The following CHRM2 variants were observed in gnomAD, a reference collection of about 807,000 sequenced individuals.
CHRM2 encodes muscarinic acetylcholine receptor M2.
A neutral mutation model predicts 25.0 loss-of-function variants in CHRM2; 8 were observed. The observed-to-expected ratio is 0.32, with a 90% CI of 0.19 to 0.58. CHRM2 has a LOEUF of 0.58. Among genes scored for constraint, CHRM2 ranks in the 20% least tolerant of loss-of-function variants. The pLI, the probability that CHRM2 is intolerant of heterozygous loss-of-function variation, is 0.88. For synonymous variants in CHRM2, 202 were observed against 205.7 expected, an observed-to-expected ratio of 0.98 and a Z score of 0.15; for missense variants, 440 against 567.1, an observed-to-expected ratio of 0.78 and a Z score of 2.28.
At chr7:136,946,186 A>T (rs1270897165) in intron 2 of CHRM2, among the ~76,000 whole-genome samples, 1 of 152,198 alleles carries the variant, frequency 6.6e-6, no homozygotes, top group African/African-American at 2.4e-5. Context: ...ATGTTCTGAA[A>T]ATTAAAAGTA....
At position 137,019,700 on chromosome 7, in the gene CHRM2, A is replaced by G. The variant is rs1805340245; in HGVS notation, c.*3434A>G. 2.0e-5 allele frequency: 3 copies of G among 151,938 alleles called. No individual in the cohort carries two copies. 9.4% of individuals were successfully genotyped at this position (151,938 alleles called of 1,614,324 possible). On this transcript the variant is annotated 3_prime_UTR_variant, in exon 4 of 4. Coordinates refer to ENST00000680005, the MANE Select transcript of CHRM2 (RefSeq NM_001006630.2). ...ATGATTTTCCTTTTACCAGTTCATC[A>G]TTAATTTAACGCCAGCTCCCAAGTA...
intron 3 of CHRM2, among the ~76,000 whole-genome samples, chr7:137,001,657 G>A (rs1584906287): frequency 6.6e-6 from 1 of 152,108 alleles, no homozygotes; most frequent in East Asian, 1.9e-4. Flanking sequence ...TTCTCAGCAG[G>A]TTGTGGGGGG....
Position 136,868,863 on chromosome 7 carries a change from A to T in CHRM2, c.-412A>T, listed in dbSNP as rs1795700242. 6.6e-6 allele frequency: 1 copy of T among 152,346 alleles called. No individual in the cohort carries two copies. The highest frequency in any genetic ancestry group is 1.5e-5 in the Non-Finnish European group (1 of 68,156). The allele number at this position is 152,346 out of a possible 1,614,324, so 9.4% of individuals were successfully genotyped here. A position where few individuals can be genotyped will look rare whatever the true frequency, so the allele number is the denominator to read the frequency against. Reference sequence around the variant, plus strand: ...ACCAGGAAATCGCCGAGGTACCCGAATAGGTGTTGCCTCCCAAAACTAATT... The same window carrying T: ...ACCAGGAAATCGCCGAGGTACCCGATTAGGTGTTGCCTCCCAAAACTAATT... On this transcript the variant is annotated 5_prime_UTR_variant, in exon 1 of 4. Coordinates refer to ENST00000680005, the MANE Select transcript of CHRM2 (RefSeq NM_001006630.2).
At chr7:137,000,761 A>G in intron 3 of CHRM2, among the ~76,000 whole-genome samples, 1 of 151,438 alleles carries the variant, frequency 6.6e-6, no homozygotes, top group East Asian at 1.9e-4. Context: ...CAACACAAGC[A>G]CTACAATGCA....
chr7:136,949,054 T>C (rs1399694264), intron 2 of CHRM2, among the ~76,000 whole-genome samples: 1 of 152,192 alleles, frequency 6.6e-6, no homozygotes, highest in African/African-American at 2.4e-5. Context: ...AAACCAAATA[T>C]GTATCTGTGC....
chr7:136,989,319 T>C (rs1017761200), intron 2 of CHRM2, among the ~76,000 whole-genome samples: 2 of 152,168 alleles, frequency 1.3e-5, no homozygotes, highest in Non-Finnish European at 2.9e-5. Flanking sequence ...TTTAAAGGGA[T>C]GAAAGTTAAA....
intron 2 of CHRM2, among the ~76,000 whole-genome samples, chr7:136,948,230 T>C (rs2130844440): frequency 6.6e-6 from 1 of 152,144 alleles, no homozygotes; most frequent in Non-Finnish European, 1.5e-5. Flanking sequence ...AAAATGCAGT[T>C]AAGAGAAACA....
chr7:136,913,778 C>A (rs541099762), intron 2 of CHRM2, among the ~76,000 whole-genome samples: 12 of 151,860 alleles, frequency 7.9e-5, no homozygotes, highest in Non-Finnish European at 1.6e-4. Context: ...AAAGCTGAAG[C>A]CCAGAGAAAT....
At chr7:136,903,114 T>C (rs1346239598) in intron 2 of CHRM2, 2 of 533,370 alleles carry the variant, frequency 3.7e-6, no homozygotes, top group Admixed American at 1.9e-5. Flanking sequence ...AGTGTAGGTG[T>C]AGGTTTTTTA....
At chr7:136,886,728 C>T (rs1369852641) in intron 2 of CHRM2, among the ~76,000 whole-genome samples, 1 of 151,932 alleles carries the variant, frequency 6.6e-6, no homozygotes, top group African/African-American at 2.4e-5. Flanking sequence ...AAAATCTAGC[C>T]AGGTGTGGTG....
intron 2 of CHRM2, among the ~76,000 whole-genome samples, chr7:136,961,835 G>A (rs190857622): frequency 6.6e-6 from 1 of 152,170 alleles, no homozygotes; most frequent in East Asian, 1.9e-4. Flanking sequence ...GAGAAGAGCT[G>A]GTCATGGATA....
At chr7:136,980,865 C>T (rs576191540) in intron 2 of CHRM2, among the ~76,000 whole-genome samples, 8 of 152,200 alleles carry the variant, frequency 5.3e-5, no homozygotes, top group South Asian at 2.1e-4. Flanking sequence ...TGAGGATTTT[C>T]GCATCGATGT....
intron 2 of CHRM2, among the ~76,000 whole-genome samples, chr7:136,885,137 G>A (rs1242725562): frequency 1.3e-5 from 2 of 152,168 alleles, no homozygotes; most frequent in African/African-American, 4.8e-5. Context: ...CATCTTCATA[G>A]AGACCCAAAG....
At chr7:136,922,865 G>C (rs887975090) in intron 2 of CHRM2, among the ~76,000 whole-genome samples, 1 of 151,802 alleles carries the variant, frequency 6.6e-6, no homozygotes, top group Non-Finnish European at 1.5e-5. Flanking sequence ...GATCATTTTG[G>C]GTTTTTTCTA....
intron 2 of CHRM2, among the ~76,000 whole-genome samples, chr7:136,900,704 C>T (rs1554412143): frequency 6.6e-6 from 1 of 151,982 alleles, no homozygotes; most frequent in Non-Finnish European, 1.5e-5. Context: ...AACTGCTAAA[C>T]AATCTTTTTT....
intron 3 of CHRM2, among the ~76,000 whole-genome samples, chr7:137,003,694 T>C (rs1476942906): frequency 2.0e-5 from 3 of 152,072 alleles, no homozygotes; most frequent in Non-Finnish European, 2.9e-5. Context: ...CAGCAGACAA[T>C]GCATGCTAAA....
intron 2 of CHRM2, among the ~76,000 whole-genome samples, chr7:136,890,881 A>ATG (rs1282124765): frequency 3.3e-5 from 5 of 151,932 alleles, no homozygotes; most frequent in African/African-American, 1.2e-4. Flanking sequence ...ATATATGTGT[A>ATG]TGTGTGTGTA....
intron 2 of CHRM2, among the ~76,000 whole-genome samples, chr7:136,964,863 T>C (rs938970601): frequency 6.6e-6 from 1 of 152,198 alleles, no homozygotes; most frequent in Admixed American, 6.6e-5. Flanking sequence ...AACAACTCTC[T>C]GGTTGCCTTA....
At chr7:136,948,197 A>T (rs1237901750) in intron 2 of CHRM2, among the ~76,000 whole-genome samples, 1 of 152,156 alleles carries the variant, frequency 6.6e-6, no homozygotes, top group Non-Finnish European at 1.5e-5. Flanking sequence ...AGTAACTATC[A>T]TCTAGATAGA....
Sources: gnomAD v4.1 joint callset for allele counts (sites outside exome capture counted in the v4.1 genomes callset) on GRCh38, gnomAD v4.1.1 for gene constraint, MANE v1.5 for transcripts, NCBI Gene and HGNC (gene_info 2026-07-23, HGNC 2026-07-21) for gene names.